Variants in MICAL2 observed in about 807,000 individuals in gnomAD.
The protein encoded by MICAL2 is microtubule associated monooxygenase, calponin and LIM domain containing 2.
A neutral mutation model predicts 127.3 loss-of-function variants in MICAL2; 77 were observed. The ratio of observed to expected loss-of-function variants is 0.60; its 90% CI spans 0.50 to 0.73. The LOEUF (loss-of-function observed/expected upper bound fraction) is 0.73, where lower values mean the gene tolerates loss of function less well. MICAL2 is among the 30% of genes least tolerant of loss of function. The pLI, the probability that MICAL2 is intolerant of heterozygous loss-of-function variation, is 0.00. For synonymous variants in MICAL2, 570 were observed against 551.1 expected, an observed-to-expected ratio of 1.03 and a Z score of -0.48; for missense variants, 1,351 against 1,434.4, an observed-to-expected ratio of 0.94 and a Z score of 0.94.
intron 2 of MICAL2, among the ~76,000 whole-genome samples, chr11:12,138,725 C>G (rs1288814399): frequency 6.6e-6 from 1 of 152,190 alleles, no homozygotes; most frequent in Non-Finnish European, 1.5e-5. Flanking sequence ...GAACCAGACT[C>G]CCGCCTTCCT....
rs1278520944 is a variant in MICAL2 at position 12,220,428 on chromosome 11, C to T, written c.1176C>T (p.Leu392=). 3.7e-6 allele frequency: 6 copies of T among 1,611,482 alleles called. No homozygotes were observed. The highest frequency in any genetic ancestry group is 2.2e-5 in the East Asian group (1 of 44,888). Residue 392 remains leucine (L), a synonymous_variant, in exon 9 of 28, where the codon CTC becomes CTT. Coordinates refer to ENST00000683283, the MANE Select transcript of MICAL2 (RefSeq NM_001282663.2). ...GGGAGCGGCAGGCGCACCAGCTGCT[C>T]GTGGCCCTTGTGGGTGACAGCTTGC... ...LVRERQAHQL[L]VALVGDSLLE...
chr11:12,342,008 C>G (rs1018101498), intron 32 of MICAL2, among the ~76,000 whole-genome samples: 1 of 152,116 alleles, frequency 6.6e-6, no homozygotes, highest in African/African-American at 2.4e-5. Flanking sequence ...TAAAAAGTCA[C>G]TTTGTGTTGG....
At chr11:12,273,085 G>A (rs528379271), upstream of MICAL2, among the ~76,000 whole-genome samples, 2 of 152,278 alleles carry the variant, frequency 1.3e-5, no homozygotes, top group Admixed American at 6.5e-5. Flanking sequence ...CAGCACAAAG[G>A]TCATGCGCAA....
At chr11:12,209,651 T>C in intron 6 of MICAL2, 53 bp downstream of exon 6, 1 of 1,484,534 alleles carries the variant, frequency 6.7e-7, no homozygotes, top group Non-Finnish European at 9.4e-7. Flanking sequence ...TGGGAGAGGG[T>C]ACATTGGGGA....
chr11:12,172,414 A>G (rs978686318), intron 3 of MICAL2, among the ~76,000 whole-genome samples: 9 of 152,204 alleles, frequency 5.9e-5, no homozygotes, highest in Middle Eastern at 3.2e-3. Flanking sequence ...GGAATGGGGA[A>G]GACGATGATT....
intron 32 of MICAL2, among the ~76,000 whole-genome samples, chr11:12,330,818 AGAGG>A (rs1387875437): frequency 2.7e-5 from 4 of 150,672 alleles, no homozygotes; most frequent in South Asian, 2.1e-4. Context: ...AGAGAGAGAG[AGAGG>A]GAGAGACAGA....
At chr11:12,260,753 T>C (rs188485567) in intron 26 of MICAL2, 2 of 985,450 alleles carry the variant, frequency 2.0e-6, no homozygotes, top group African/African-American at 1.7e-5. Context: ...CACGGAGCAG[T>C]GTGTGGTTGG....
In MICAL2 at chr11:12,261,780, C is replaced by T. The variant is rs923170022; in HGVS notation, c.3335-700C>T. 8.1e-6 allele frequency: 8 copies of T among 985,356 alleles called. No homozygotes were observed. In the African/African-American group the frequency reaches 1.4e-4, roughly 17 times the overall value. 61.0% of individuals were successfully genotyped at this position (985,356 alleles called of 1,614,324 possible). ...GCCAACTCTGTGGGAACTGGCGCCT[C>T]TGTCCTTGTTGGCACTGTTCTCAGT... On this transcript the variant is annotated intron_variant, in intron 26 of 27. Transcript: ENST00000683283.
intron 29 of MICAL2, among the ~76,000 whole-genome samples, chr11:12,310,163 A>C (rs779485768): frequency 1.6e-4 from 24 of 152,080 alleles, no homozygotes; most frequent in Non-Finnish European, 2.6e-4. Context: ...TTTGCTGTAC[A>C]TAGGCTCTTT....
At chr11:12,352,183 T>C (rs1412501829) in intron 33 of MICAL2, among the ~76,000 whole-genome samples, 2 of 152,226 alleles carry the variant, frequency 1.3e-5, no homozygotes, top group Non-Finnish European at 2.9e-5. Flanking sequence ...TTTATATAGC[T>C]ACTGTGTCTG....
chr11:12,242,500 C>A, intron 19 of MICAL2, 68 bp downstream of exon 19: 2 of 1,526,074 alleles, frequency 1.3e-6, no homozygotes, highest in Non-Finnish European at 1.8e-6. Context: ...CCTCCCTCCT[C>A]CTACCCGGGT....
downstream of MICAL2, chr11:12,294,689 A>G: frequency 1.9e-6 from 3 of 1,614,206 alleles, no homozygotes; most frequent in Non-Finnish European, 2.5e-6. Context: ...AAGAAAGGAC[A>G]TCAGGGACCT....
intron 3 of MICAL2, among the ~76,000 whole-genome samples, chr11:12,189,262 G>T (rs1287461168): frequency 2.6e-5 from 4 of 152,128 alleles, no homozygotes; most frequent in Non-Finnish European, 4.4e-5. Flanking sequence ...TCCCCACTAT[G>T]TGTAAAGTTC....
rs148109644 is a variant in MICAL2, at chr11:12,322,728, A to G, written c.5329-1250A>G. Among the ~76,000 whole-genome samples, 593 of 152,296 alleles carry G rather than the reference A, an allele frequency of 3.9e-3. 4 individuals carry two copies. The highest frequency in any genetic ancestry group is 5.5e-3 in the Non-Finnish European group (374 of 68,022). On this transcript the variant is annotated intron_variant, in intron 30 of 34. Transcript: ENST00000646065. Reference sequence around the variant, plus strand: ...ATACAGAATGTCTGTGTGTGTATGTATAATATATACTCCTACACACAAAAA... The same window carrying G: ...ATACAGAATGTCTGTGTGTGTATGTGTAATATATACTCCTACACACAAAAA...
chr11:12,222,680 G>T lies in MICAL2; in HGVS notation c.1386G>T (p.Gln462His). The T allele has an allele frequency of 6.2e-7, 1 of 1,614,240 alleles. No homozygotes were observed. Among genetic ancestry groups the T allele is most frequent in the Non-Finnish European group, 8.5e-7 (1 of 1,180,048 alleles). Residue 462 changes from glutamine (Q) to histidine (H), a missense_variant, in exon 11 of 28, where the codon CAG (glutamine) becomes CAT (histidine). Transcript: ENST00000683283. ...TPENINKNFE[Q>H]YTLDPGTRYP... ...AGAACATCAACAAGAACTTTGAGCAGTACACGTTGGACCCAGGGACACGGT... is the reference window on the plus strand; with the variant it reads ...AGAACATCAACAAGAACTTTGAGCATTACACGTTGGACCCAGGGACACGGT...
intron 24 of MICAL2, 37 bp from the exon 25 acceptor site, chr11:12,258,431 G>T: frequency 6.4e-7 from 1 of 1,562,342 alleles, no homozygotes; most frequent in South Asian, 1.1e-5. Context: ...GTTTACAGGA[G>T]AAAAATTTTT....
exon 3 of MICAL2, chr11:12,287,113 C>G (rs1385103739): frequency 5.0e-6 from 2 of 398,898 alleles, no homozygotes; most frequent in Non-Finnish European, 8.8e-6. Flanking sequence ...CAATAGCTTC[C>G]AGTCTCCAAC....
At chr11:12,119,919 G>A (rs1850367566) in intron 1 of MICAL2, among the ~76,000 whole-genome samples, 1 of 152,184 alleles carries the variant, frequency 6.6e-6, no homozygotes, top group Non-Finnish European at 1.5e-5. Flanking sequence ...CTTGCTCAAG[G>A]TCACCCAGCC....
intron 3 of MICAL2, among the ~76,000 whole-genome samples, chr11:12,196,457 G>A (rs1188102312): frequency 1.3e-5 from 2 of 152,190 alleles, no homozygotes; most frequent in East Asian, 1.9e-4. Flanking sequence ...AGTCATGGAA[G>A]TAGATGGTGT....
Sources: gnomAD v4.1 joint callset for allele counts (sites outside exome capture counted in the v4.1 genomes callset) on GRCh38, gnomAD v4.1.1 for gene constraint, MANE v1.5 for transcripts, NCBI Gene and HGNC (gene_info 2026-07-23, HGNC 2026-07-21) for gene names.